The following DGKZ variants were observed in gnomAD, a reference collection of about 807,000 sequenced individuals.
DGKZ encodes DAG kinase zeta.
A neutral mutation model predicts 142.5 loss-of-function variants in DGKZ; 45 were observed. The ratio of observed to expected loss-of-function variants is 0.32; its 90% CI spans 0.25 to 0.40. The LOEUF (loss-of-function observed/expected upper bound fraction) is 0.40, where lower values mean the gene tolerates loss of function less well. Ranked by LOEUF, DGKZ falls within the 10% of genes least tolerant of loss-of-function variation. DGKZ has a pLI of 1.00. For synonymous variants in DGKZ, 442 were observed against 527.0 expected, an observed-to-expected ratio of 0.84 and a Z score of 2.21; for missense variants, 755 against 1,306.5, an observed-to-expected ratio of 0.58 and a Z score of 6.51.
rs1943648093 is a variant in DGKZ at position 46,369,080 on chromosome 11, C to T, written c.445-414C>T. The stretch of plus-strand genomic sequence containing the variant: ...AAAATTAGCCAGGCGTGGTGATGCA[C>T]ACCTGTAATCCCAGCTACTCGGGAG... On this transcript the variant is annotated intron_variant, in intron 4 of 30. Coordinates refer to ENST00000527911, the Ensembl canonical transcript of DGKZ. The T allele has an allele frequency of 6.0e-5, 16 of 264,864 alleles. 1 individual carries two copies. The highest frequency in any genetic ancestry group is 5.9e-4 in the South Asian group (16 of 27,182). 16.4% of individuals were successfully genotyped at this position (264,864 alleles called of 1,614,324 possible).
At chr11:46,340,070 T>C (rs1274668306) in intron 1 of DGKZ, among the ~76,000 whole-genome samples, 4 of 152,312 alleles carry the variant, frequency 2.6e-5, no homozygotes, top group African/African-American at 7.2e-5. Flanking sequence ...GGAGCTAAGG[T>C]TGGCAGAAGT....
chr11:46,371,331 A>G, exon 7 of DGKZ: 1 of 1,613,722 alleles, frequency 6.2e-7, no homozygotes, highest in South Asian at 1.1e-5. Context: ...GCAGAAGTTC[A>G]CCTTCCACAG....
At chr11:46,351,159 G>C (rs79261967) in intron 1 of DGKZ, among the ~76,000 whole-genome samples, 1 of 152,044 alleles carries the variant, frequency 6.6e-6, no homozygotes, top group Non-Finnish European at 1.5e-5. Flanking sequence ...AGGAGGACCC[G>C]CTTATCCTCT....
upstream of DGKZ, chr11:46,347,390 C>T (rs1317216001): frequency 1.1e-5 from 11 of 983,770 alleles, no homozygotes; most frequent in Non-Finnish European, 9.6e-6. The surrounding 1 kb of genome is among the most constrained non-coding windows in gnomAD (Gnocchi z 6.4). Context: ...CACCGTGCGG[C>T]CGAGGGGGCG....
rs746642514 is a variant in DGKZ at position 46,366,704 on chromosome 11, C to G, written c.162-587C>G. 9 of 1,562,240 alleles carry G rather than the reference C, an allele frequency of 5.8e-6. No homozygotes were observed. The African/African-American group carries it at 1.2e-4, about 21-fold the overall frequency. ...AGGGCCACCCCCACCTCGGGGCGCC[C>G]AGCCGCTGTTGCCCCTACCCCGCTA... On this transcript the variant is annotated intron_variant, in intron 1 of 30. Transcript: ENST00000527911.
chr11:46,346,059 T>TGGCTGGAG (rs1357396080), upstream of DGKZ, among the ~76,000 whole-genome samples: 1 of 152,174 alleles, frequency 6.6e-6, no homozygotes, highest in Non-Finnish European at 1.5e-5. Flanking sequence ...CACCAGCTGC[T>TGGCTGGAG]GGCTGGAGGG....
rs774209567 is a variant in DGKZ, at chr11:46,367,768, G to A, written c.366+21G>A. ...TGCTGGTGAGTGCTCGTAGGGGCAC[G>A]CCGCCCCCTGCTGGTGGAGCCAGTA... On this transcript the variant is annotated intron_variant, in intron 3 of 30. Transcript: ENST00000527911. This position sits in a 1 kb window ranked among gnomAD's most constrained non-coding sequence, Gnocchi z 4.1. 9 of 1,611,098 alleles carry A rather than the reference G, an allele frequency of 5.6e-6. No homozygotes were observed. The East Asian group carries it at 8.9e-5, about 16-fold the overall frequency.
chr11:46,346,246 G>C (rs1940599148), upstream of DGKZ, among the ~76,000 whole-genome samples: 1 of 152,264 alleles, frequency 6.6e-6, no homozygotes, highest in African/African-American at 2.4e-5. Flanking sequence ...CAGAACCCAA[G>C]AGGGGAGGAT....
upstream of DGKZ, chr11:46,347,453 C>T (rs1376502607): frequency 4.0e-5 from 39 of 982,322 alleles, no homozygotes; most frequent in South Asian, 1.8e-4. This position sits in a 1 kb window ranked among gnomAD's most constrained non-coding sequence, Gnocchi z 6.4. Flanking sequence ...GTCCTGCGGC[C>T]GCGGCTGGCG....
intron 1 of DGKZ, among the ~76,000 whole-genome samples, chr11:46,352,642 C>T (rs912567146): frequency 6.6e-6 from 1 of 152,244 alleles, no homozygotes; most frequent in Non-Finnish European, 1.5e-5. Context: ...ACCACCTCTC[C>T]TCCCTGCCCC....
chr11:46,376,232 T>G, intron 22 of DGKZ, 87 bp downstream of exon 22: 8 of 1,605,294 alleles, frequency 5.0e-6, no homozygotes, highest in Non-Finnish European at 6.8e-6. Context: ...CAGCTCGCCC[T>G]GCGGAGCCTC....
chr11:46,368,020 A>C (rs1943520278), exon 4 of DGKZ: 2 of 1,613,948 alleles, frequency 1.2e-6, no homozygotes, highest in East Asian at 4.5e-5. Context: ...AGTGTCTCGA[A>C]GAAAGTGCGC....
At chr11:46,363,467 G>A (rs940560041) in intron 1 of DGKZ, among the ~76,000 whole-genome samples, 8 of 152,334 alleles carry the variant, frequency 5.3e-5, no homozygotes, top group African/African-American at 1.2e-4. Context: ...TGGGAGGGGC[G>A]GCATCATCGG....
rs1944593774 is a variant in DGKZ at position 46,376,762 on chromosome 11, A to G, written c.2202+198A>G. The G allele has an allele frequency of 6.5e-6, 5 of 774,968 alleles. No individual in the cohort carries two copies. The East Asian group carries it at 1.1e-4, about 17-fold the overall frequency. The allele number at this position is 774,968 out of a possible 1,614,324, so 48.0% of individuals were successfully genotyped here. ...TGGAGAGTATAGGGCGGTGCCAGCC[A>G]GAAAGGCAGTGGGGTACCTACCAAA... On this transcript the variant is annotated intron_variant, in intron 24 of 30. Coordinates refer to ENST00000527911, the Ensembl canonical transcript of DGKZ.
Position 46,372,682 on chromosome 11 carries a change from G to A in DGKZ, c.1071+5G>A, listed in dbSNP as rs1179239744. 1 of 1,613,124 alleles carries A rather than the reference G, an allele frequency of 6.2e-7. No individual in the cohort carries two copies. Among genetic ancestry groups the A allele is most frequent in the Non-Finnish European group, 8.5e-7 (1 of 1,179,880 alleles). ...GCGTGCGGGGGCGACGGCACGGTGA[G>A]CTCCCCGCATGGGCCAGCCGAGCAC... On this transcript the variant is annotated splice_donor_5th_base_variant and intron_variant, in intron 12 of 30. Transcript: ENST00000527911. This position sits in a 1 kb window ranked among gnomAD's most constrained non-coding sequence, Gnocchi z 5.9.
At position 46,372,985 on chromosome 11, in the gene DGKZ, A is replaced by G. The variant is rs1197507514; in HGVS notation, c.1210A>G (p.Lys404Glu). ...GGGCTACACAGATGAGCCTGTGTCC[A>G]AGATCCTCTCCCACGTGGAGGAGGG... The change falls in exon 14 of 31, where the codon AAG becomes GAG. Residue 404 changes from lysine to glutamate, a missense_variant. This residue lies in a region of DGKZ where 191 missense variants were observed against 472.1 expected (regional missense o/e 0.40). Transcript: ENST00000527911. This position sits in a 1 kb window ranked among gnomAD's most constrained non-coding sequence, Gnocchi z 5.9. 1.9e-6 allele frequency: 3 copies of G among 1,539,938 alleles called. No individual in the cohort carries two copies. Among genetic ancestry groups the G allele is most frequent in the East Asian group, 4.9e-5 (2 of 40,744 alleles).
chr11:46,368,549 G>A, intron 4 of DGKZ: 1 of 316,444 alleles, frequency 3.2e-6, no homozygotes, highest in South Asian at 2.5e-5. Context: ...GACGGGTCAA[G>A]GCCAGGGGCA....
chr11:46,364,229 G>A (rs929227458), intron 1 of DGKZ: 23 of 606,140 alleles, frequency 3.8e-5, no homozygotes, highest in African/African-American at 7.6e-5. Context: ...CTGACTTGCC[G>A]TGGACTCTAG....
chr11:46,345,556 A>C (rs551037495), upstream of DGKZ: 15 of 1,529,294 alleles, frequency 9.8e-6, no homozygotes, highest in South Asian at 1.8e-4. The surrounding 1 kb of genome is among the most constrained non-coding windows in gnomAD (Gnocchi z 4.1). Flanking sequence ...GGGACGTGCC[A>C]CAGATCCCAT....
Sources: gnomAD v4.1 joint callset for allele counts (sites outside exome capture counted in the v4.1 genomes callset) on GRCh38, gnomAD v4.1.1 for gene constraint, gnomAD v4.1.1 regional missense constraint, Gnocchi (gnomAD v3.1) non-coding constraint, MANE v1.5 for transcripts, NCBI Gene and HGNC (gene_info 2026-07-23, HGNC 2026-07-21) for gene names.